PDCD11: variants seen among roughly 807,000 people sequenced by gnomAD.
The protein encoded by PDCD11 is programmed cell death 11, also known as protein RRP5 homolog.
In PDCD11, 97 loss-of-function variants were observed where a neutral mutation model predicts 198.9. That is an observed-to-expected ratio of 0.49 (90% CI 0.41 to 0.58). The LOEUF is 0.58. PDCD11 is among the 20% of genes least tolerant of loss of function. The pLI is 0.00. For missense variants in PDCD11, 2,102 were observed against 2,312.7 expected, an observed-to-expected ratio of 0.91 and a Z score of 1.87; for synonymous variants, 893 against 918.0, an observed-to-expected ratio of 0.97 and a Z score of 0.49.
At position 103,414,347 on chromosome 10, in the gene PDCD11, A is replaced by T; in HGVS notation, c.1371+17A>T. Reference sequence around the variant, plus strand: ...GTGGTAAAGGTAAGACCTCAAGCATATAATTAGGTACTGCCTCACCATCAG... The same window carrying T: ...GTGGTAAAGGTAAGACCTCAAGCATTTAATTAGGTACTGCCTCACCATCAG... On this transcript the variant is annotated intron_variant, in intron 11 of 35. Coordinates refer to ENST00000369797, the MANE Select transcript of PDCD11 (RefSeq NM_014976.2). 1 of 1,594,018 alleles carries T rather than the reference A, an allele frequency of 6.3e-7. No individual in the cohort carries two copies. Among genetic ancestry groups the T allele is most frequent in the Non-Finnish European group, 8.6e-7 (1 of 1,161,764 alleles).
chr10:103,417,777 G>C lies in PDCD11; in HGVS notation c.1771-15G>C. On this transcript the variant is annotated splice_polypyrimidine_tract_variant and intron_variant, in intron 13 of 35. Coordinates refer to ENST00000369797, the MANE Select transcript of PDCD11 (RefSeq NM_014976.2). ...GCTGGGAGGAGTTGGCCAAGCCTGT[G>C]TGGTTTCTTGCCAGGTGGTGAAGGT... The C allele has an allele frequency of 1.2e-6, 2 of 1,612,896 alleles. No individual in the cohort carries two copies. The highest frequency in any genetic ancestry group is 1.7e-6 in the Non-Finnish European group (2 of 1,179,644).
intron 25 of PDCD11, 39 bp downstream of exon 25, chr10:103,435,014 AATTGGTAT>A: frequency 7.3e-7 from 1 of 1,375,280 alleles, no homozygotes; most frequent in African/African-American, 1.5e-5. Context: ...CTGTCTGTGG[AATTGGTAT>A]ATTTAAAAAA....
At chr10:103,414,937 CTTG>C (rs969112977) in intron 11 of PDCD11, 65 bp from the exon 12 acceptor site, 2 of 1,570,038 alleles carry the variant, frequency 1.3e-6, no homozygotes, top group African/African-American at 2.7e-5. Flanking sequence ...TATGACATGC[CTTG>C]TTGTAAGAGG....
intron 26 of PDCD11, among the ~76,000 whole-genome samples, 166 bp downstream of exon 26, chr10:103,438,237 C>G (rs752110333): frequency 2.6e-5 from 4 of 152,206 alleles, no homozygotes; most frequent in Non-Finnish European, 5.9e-5. Flanking sequence ...CAGATTGCTG[C>G]AAGAATCCTG....
In PDCD11 at chr10:103,406,767, G is replaced by T; in HGVS notation, c.847G>T (p.Val283Leu). The change falls in exon 7 of 36, where the codon GTG becomes TTG. Residue 283 changes from valine (V) to leucine (L), a missense_variant. By Grantham distance (32) the Val-to-Leu change is conservative. Transcript: ENST00000369797. Reference protein sequence around the residue: ...WNLNNLLPGLVVKAQVQKVTP... With the variant: ...WNLNNLLPGLLVKAQVQKVTP... ...CCTTAATAACTTGCTACCAGGACTG[G>T]TGGTCAAAGCTCAGGTACAGAAGGT... 1 of 1,614,064 alleles carries T rather than the reference G, an allele frequency of 6.2e-7. No individual in the cohort carries two copies. The highest frequency in any genetic ancestry group is 8.5e-7 in the Non-Finnish European group (1 of 1,179,956).
chr10:103,442,495 G>T, intron 32 of PDCD11, 35 bp downstream of exon 32: 1 of 1,599,192 alleles, frequency 6.3e-7, no homozygotes, highest in Non-Finnish European at 8.5e-7. Context: ...CAGTGTCTTC[G>T]CACGTTCTGG....
chr10:103,421,987 A>G (rs1470589509), intron 17 of PDCD11, among the ~76,000 whole-genome samples: 3 of 148,262 alleles, frequency 2.0e-5, no homozygotes, highest in East Asian at 1.9e-4. Flanking sequence ...AAAAAAAAAA[A>G]AAAAAGAAAA....
At position 103,434,877 on chromosome 10, in the gene PDCD11, C is replaced by T; in HGVS notation, c.3747C>T (p.Ser1249=). 6.2e-7 allele frequency: 1 copy of T among 1,613,222 alleles called. No homozygotes were observed. The part of the protein sequence containing the change: ...KVTPNEGLTV[S]FPFGKIGTVS... ...CTCCCAACGAGGGGCTGACCGTCTC[C>T]TTCCCCTTTGGGAAGATAGGAACAG... Residue 1249 remains serine, a synonymous_variant, in exon 25 of 36, where the codon TCC becomes TCT. Transcript: ENST00000369797.
At chr10:103,424,340 G>A (rs746791921) in intron 19 of PDCD11, among the ~76,000 whole-genome samples, 9 of 152,236 alleles carry the variant, frequency 5.9e-5, no homozygotes, top group Non-Finnish European at 8.8e-5. Flanking sequence ...ATGGTGCAGT[G>A]TAGATATAAT....
At chr10:103,404,211 A>T (rs1345507058) in intron 4 of PDCD11, among the ~76,000 whole-genome samples, 2 of 151,190 alleles carry the variant, frequency 1.3e-5, no homozygotes, top group African/African-American at 4.9e-5. Context: ...CTGGTCTCTA[A>T]CTCCTGACCT....
chr10:103,400,410 A>G lies in PDCD11; in HGVS notation c.116A>G (p.Glu39Gly), dbSNP rs1334427485. 6.2e-7 allele frequency: 1 copy of G among 1,612,982 alleles called. No homozygotes were observed. Among genetic ancestry groups the G allele is most frequent in the South Asian group, 1.1e-5 (1 of 90,852 alleles). ...QDNLFDISTE[E>G]GSTKRKKSQK... Reference sequence around the variant, plus strand: ...ACCCGCTTCTAGATTTCTACTGAAGAGGGATCCACCAAAAGAAAAAAGAGC... The same window carrying G: ...ACCCGCTTCTAGATTTCTACTGAAGGGGGATCCACCAAAAGAAAAAAGAGC... Residue 39 changes from glutamate (E) to glycine (G), a missense_variant, in exon 3 of 36, where the codon GAG becomes GGG. Physicochemically the swap from Glu to Gly is moderately conservative, Grantham distance 98. Transcript: ENST00000369797.
intron 22 of PDCD11, among the ~76,000 whole-genome samples, chr10:103,432,732 C>T (rs2031987679): frequency 6.6e-6 from 1 of 152,170 alleles, no homozygotes; most frequent in African/African-American, 2.4e-5. Context: ...TTGCCAGATT[C>T]CTCTTCGATG....
At chr10:103,409,854 T>C in intron 8 of PDCD11, 48 bp downstream of exon 8, 6 of 1,398,756 alleles carry the variant, frequency 4.3e-6, no homozygotes, top group Non-Finnish European at 6.1e-6. Flanking sequence ...TGTGGTCCAT[T>C]TGCTGTCCAG....
chr10:103,403,052 G>A (rs1159534120), intron 3 of PDCD11, 66 bp from the exon 4 acceptor site: 3 of 1,461,544 alleles, frequency 2.1e-6, no homozygotes, highest in Admixed American at 3.4e-5. Context: ...CTAGAAGCCA[G>A]ACCTTCCAAC....
chr10:103,423,846 C>T (rs1291419864), intron 19 of PDCD11, among the ~76,000 whole-genome samples, 188 bp downstream of exon 19: 2 of 152,116 alleles, frequency 1.3e-5, no homozygotes, highest in South Asian at 2.1e-4. Context: ...GTTCTGGTTC[C>T]GGTGATAAGT....
intron 8 of PDCD11, among the ~76,000 whole-genome samples, chr10:103,412,162 CTT>C (rs112740038): frequency 7.2e-6 from 1 of 139,106 alleles, no homozygotes; most frequent in Non-Finnish European, 1.6e-5. Context: ...GCTTGGCTAA[CTT>C]TTTTTTTTTT....
intron 8 of PDCD11, among the ~76,000 whole-genome samples, chr10:103,412,077 A>G (rs2030835472): frequency 6.6e-6 from 1 of 151,926 alleles, no homozygotes; most frequent in Non-Finnish European, 1.5e-5. Context: ...ATCATCACTC[A>G]CTGCAGCCTT....
intron 3 of PDCD11, 21 bp downstream of exon 3, chr10:103,400,549 A>C: frequency 6.2e-7 from 1 of 1,603,650 alleles, no homozygotes; most frequent in African/African-American, 1.3e-5. Context: ...GTTGGTTTTC[A>C]TTTAAACAAT....
At chr10:103,410,063 C>T (rs1032795689) in intron 8 of PDCD11, among the ~76,000 whole-genome samples, 2 of 152,016 alleles carry the variant, frequency 1.3e-5, no homozygotes, top group Admixed American at 6.6e-5. Flanking sequence ...GGTGAAACCC[C>T]GTCTCTACTA....
Sources: allele counts gnomAD v4.1 joint callset (sites outside exome capture counted in the v4.1 genomes callset), GRCh38; gene constraint gnomAD v4.1.1; transcripts MANE v1.5; gene names NCBI Gene and HGNC (gene_info 2026-07-23, HGNC 2026-07-21).